Variants in MROH1 observed in about 807,000 individuals in gnomAD.
MROH1 encodes maestro heat like repeat family member 1, also known as maestro heat-like repeat-containing protein family member 1.
Under a neutral mutation model 116.5 loss-of-function variants are expected in MROH1, and 117 were observed. The observed-to-expected ratio is 1.00, with a 90% CI of 0.86 to 1.17. The LOEUF (loss-of-function observed/expected upper bound fraction) is 1.17, where lower values mean the gene tolerates loss of function less well. Among genes scored for constraint, MROH1 ranks in the 50% most tolerant of loss-of-function variants. The pLI is 0.00. For missense variants in MROH1, 1,873 were observed against 1,338.5 expected, an observed-to-expected ratio of 1.40 and a Z score of -6.23; for synonymous variants, 921 against 583.9, an observed-to-expected ratio of 1.58 and a Z score of -8.32.
At chr8:144,156,124 C>T (rs2130667799) in intron 1 of MROH1, among the ~76,000 whole-genome samples, 1 of 151,678 alleles carries the variant, frequency 6.6e-6, no homozygotes, top group South Asian at 2.1e-4. Flanking sequence ...GTAATCCCAG[C>T]TACTCTGGAG....
intron 39 of MROH1, 36 bp from the exon 40 acceptor site, chr8:144,260,641 G>A: frequency 1.3e-6 from 1 of 774,928 alleles, no homozygotes; most frequent in Non-Finnish European, 2.4e-6. Flanking sequence ...CAGGGGCACA[G>A]CCTGTGAGGA....
At chr8:144,219,091 C>T (rs1374732851) in intron 12 of MROH1, among the ~76,000 whole-genome samples, 5 of 150,956 alleles carry the variant, frequency 3.3e-5, no homozygotes, top group African/African-American at 1.2e-4. Context: ...GGTGCGATCT[C>T]AGCTCACTGC....
At chr8:144,165,910 CTG>C (rs1015915390) in intron 3 of MROH1, among the ~76,000 whole-genome samples, 1 of 151,562 alleles carries the variant, frequency 6.6e-6, no homozygotes, top group Non-Finnish European at 1.5e-5. Flanking sequence ...GATGGAGTCT[CTG>C]TCTGTTACCC....
intron 12 of MROH1, chr8:144,212,987 T>TA (rs781421052): frequency 1.3e-6 from 1 of 774,454 alleles, no homozygotes; most frequent in Admixed American, 1.7e-5. Flanking sequence ...TTGATCTCGT[T>TA]ACACAGGCAG....
chr8:144,237,986 G>A (rs1233715498), intron 14 of MROH1, among the ~76,000 whole-genome samples: 8 of 152,254 alleles, frequency 5.3e-5, no homozygotes, highest in African/African-American at 1.9e-4. Flanking sequence ...AGGTTTTCAT[G>A]GGTGTTGTGG....
chr8:144,175,480 T>C (rs1342297939), intron 4 of MROH1: 1 of 985,160 alleles, frequency 1.0e-6, no homozygotes, highest in East Asian at 1.1e-4. Context: ...TTCAATTCTT[T>C]CCTCCCCAGT....
chr8:144,151,776 C>A (rs1461192606), intron 1 of MROH1, among the ~76,000 whole-genome samples: 1 of 152,208 alleles, frequency 6.6e-6, no homozygotes, highest in African/African-American at 2.4e-5. Context: ...TACAGCCTCC[C>A]GTCTCTGTGC....
intron 4 of MROH1, chr8:144,175,370 C>G: frequency 2.1e-6 from 1 of 484,332 alleles, no homozygotes; most frequent in Non-Finnish European, 2.7e-6. Context: ...AGCAACAGGT[C>G]TGGTCGGATG....
chr8:144,150,544 C>T (rs1300139465), intron 1 of MROH1, among the ~76,000 whole-genome samples: 2 of 152,248 alleles, frequency 1.3e-5, no homozygotes, highest in Non-Finnish European at 2.9e-5. Flanking sequence ...CCCCTGTCCT[C>T]AGCACGTCAG....
Position 144,163,646 on chromosome 8 carries a change from A to G in MROH1, c.-56-125A>G. The G allele has an allele frequency of 1.5e-6, 1 of 647,874 alleles. No individual in the cohort carries two copies. Among genetic ancestry groups the G allele is most frequent in the Non-Finnish European group, 2.6e-6 (1 of 382,730 alleles). 40.1% of individuals were successfully genotyped at this position (647,874 alleles called of 1,614,324 possible). ...CCCTGAGTGGCTCAAAGAAAATGTG[A>G]CGGAGATATTTCCCCCAGAATAAAT... On this transcript the variant is annotated intron_variant, in intron 2 of 43. Transcript: ENST00000326134. This position sits in a 1 kb window ranked among gnomAD's most constrained non-coding sequence, Gnocchi z 4.4.
chr8:144,151,113 C>T (rs1816639574), intron 1 of MROH1, among the ~76,000 whole-genome samples: 1 of 151,588 alleles, frequency 6.6e-6, no homozygotes, highest in Non-Finnish European at 1.5e-5. Context: ...TCGAGTGTGG[C>T]GGTGGGCGCC....
At chr8:144,165,227 C>T (rs1334499988) in intron 3 of MROH1, among the ~76,000 whole-genome samples, 1 of 151,624 alleles carries the variant, frequency 6.6e-6, no homozygotes, top group Non-Finnish European at 1.5e-5. Flanking sequence ...AAGTGATTCT[C>T]CCTGCCTCAG....
chr8:144,242,864 C>T (rs1032129248), intron 24 of MROH1, among the ~76,000 whole-genome samples: 1 of 145,474 alleles, frequency 6.9e-6, no homozygotes, highest in South Asian at 2.5e-4. Context: ...GGGTCGTGGG[C>T]TGTCGCCCCC....
At chr8:144,164,621 C>T (rs1031538603) in intron 3 of MROH1, among the ~76,000 whole-genome samples, 28 of 152,094 alleles carry the variant, frequency 1.8e-4, no homozygotes, top group African/African-American at 6.3e-4. Context: ...TGCTCTTGAA[C>T]TCCTGGGCTC....
intron 12 of MROH1, among the ~76,000 whole-genome samples, chr8:144,210,862 C>T (rs534351234): frequency 6.6e-6 from 1 of 152,160 alleles, no homozygotes; most frequent in East Asian, 1.9e-4. Context: ...GCATCTTAAT[C>T]GTTTTTAAGC....
chr8:144,241,427 C>G lies in MROH1; in HGVS notation c.2088C>G (p.Ile696Met). Residue 696 changes from isoleucine (I) to methionine (M), a missense_variant, in exon 22 of 44, where the codon ATC becomes ATG. By Grantham distance (10) the Ile-to-Met change is conservative (BLOSUM62 1). Transcript: ENST00000326134. ...GLACCFGICA[I>M]SHLEDTLAQL... ...CCTGCTGCTTCGGGATCTGTGCCATCTCCCACCTCGAGGACACGCTGGCCC... is the reference window on the plus strand; with the variant it reads ...CCTGCTGCTTCGGGATCTGTGCCATGTCCCACCTCGAGGACACGCTGGCCC... 1.3e-6 allele frequency: 1 copy of G among 778,620 alleles called. No homozygotes were observed. The highest frequency in any genetic ancestry group is 2.4e-6 in the Non-Finnish European group (1 of 417,762). 48.2% of individuals were successfully genotyped at this position (778,620 alleles called of 1,614,324 possible). A position where few individuals can be genotyped will look rare whatever the true frequency, so the allele number is the denominator to read the frequency against.
chr8:144,179,210 G>A (rs774801573), intron 4 of MROH1, among the ~76,000 whole-genome samples: 6 of 152,068 alleles, frequency 3.9e-5, no homozygotes, highest in African/African-American at 9.7e-5. Flanking sequence ...GAAGCCCCCC[G>A]CCTCGCCCTC....
chr8:144,258,397 C>T (rs1004059507), intron 35 of MROH1, among the ~76,000 whole-genome samples: 4 of 152,184 alleles, frequency 2.6e-5, no homozygotes, highest in Admixed American at 1.3e-4. Context: ...TGTGAGAACC[C>T]GAGGTGCCAG....
chr8:144,255,754 G>C, intron 35 of MROH1, 49 bp downstream of exon 35: 1 of 713,698 alleles, frequency 1.4e-6, no homozygotes, highest in Non-Finnish European at 2.6e-6. Context: ...GGAAGCACAG[G>C]CATGCGTGTG....
Sources: gnomAD v4.1 joint callset for allele counts (sites outside exome capture counted in the v4.1 genomes callset) on GRCh38, gnomAD v4.1.1 for gene constraint, Gnocchi (gnomAD v3.1) non-coding constraint, MANE v1.5 for transcripts, NCBI Gene and HGNC (gene_info 2026-07-23, HGNC 2026-07-21) for gene names.